The following SCTR variants were observed in gnomAD, a reference collection of about 807,000 sequenced individuals.
SCTR encodes secretin receptor.
A neutral mutation model predicts 60.8 loss-of-function variants in SCTR; 56 were observed. The ratio of observed to expected loss-of-function variants is 0.92; its 90% CI spans 0.74 to 1.15. The LOEUF (loss-of-function observed/expected upper bound fraction) is 1.15. SCTR is among the 50% of genes most tolerant of loss of function. SCTR has a pLI of 0.00. For missense variants in SCTR, 562 were observed against 550.4 expected (o/e 1.02, Z -0.21); for synonymous variants, 202 against 217.0 (o/e 0.93, Z 0.61).
chr2:119,470,698 T>A (rs1676967804), intron 4 of SCTR, among the ~76,000 whole-genome samples: 1 of 152,158 alleles, frequency 6.6e-6, no homozygotes, highest in African/African-American at 2.4e-5. Flanking sequence ...TCTCATTGTG[T>A]GGATGTTTTT....
intron 2 of SCTR, chr2:119,487,114 A>G (rs2104878365): frequency 6.6e-6 from 1 of 152,362 alleles, no homozygotes; most frequent in South Asian, 2.1e-4. Context: ...ATCCACAGAG[A>G]CAGAAAGTAG....
At chr2:119,489,699 C>A (rs1291539070) in intron 2 of SCTR, among the ~76,000 whole-genome samples, 1 of 152,126 alleles carries the variant, frequency 6.6e-6, no homozygotes, top group Non-Finnish European at 1.5e-5. Flanking sequence ...TGTAGCAGAG[C>A]AGTCTGCATG....
rs370963479 is a variant in SCTR at position 119,442,511 on chromosome 2, GA to G, written c.1141-913del. 2.6e-3 allele frequency among the ~76,000 whole-genome samples: 390 copies of G among 152,344 alleles called. 3 individuals carry two copies. The highest frequency in any genetic ancestry group is 8.9e-3 in the African/African-American group (371 of 41,572). ...CTGCCTGTAGCTACTTATGATATTG[GA>G]AAGGAACCTCGAAGGGTGATGAATC... On this transcript the variant is annotated intron_variant, in intron 11 of 12. Transcript: ENST00000019103.
intron 7 of SCTR, among the ~76,000 whole-genome samples, chr2:119,461,013 C>A (rs1238490795): frequency 6.6e-6 from 1 of 152,182 alleles, no homozygotes; most frequent in Non-Finnish European, 1.5e-5. Context: ...AGCCCAGAAG[C>A]TGTTGGCCAT....
At chr2:119,509,982 T>C (rs773167366) in intron 1 of SCTR, among the ~76,000 whole-genome samples, 6 of 149,914 alleles carry the variant, frequency 4.0e-5, no homozygotes, top group Non-Finnish European at 7.4e-5. Flanking sequence ...CGTATCAGAA[T>C]TTCCTTTTTT....
intron 1 of SCTR, among the ~76,000 whole-genome samples, chr2:119,513,916 A>C (rs1050791913): frequency 6.6e-6 from 1 of 152,144 alleles, no homozygotes; most frequent in African/African-American, 2.4e-5. Context: ...GTATCCCATA[A>C]TTTTACATTG....
intron 9 of SCTR, among the ~76,000 whole-genome samples, chr2:119,451,316 C>T (rs963157787): frequency 2.6e-5 from 4 of 152,322 alleles, no homozygotes; most frequent in Middle Eastern, 3.4e-3. Context: ...TGAACCATAC[C>T]CATGGGCTGG....
chr2:119,492,619 T>G (rs1289133402), intron 2 of SCTR, among the ~76,000 whole-genome samples: 1 of 152,172 alleles, frequency 6.6e-6, no homozygotes, highest in African/African-American at 2.4e-5. Context: ...AGTACCTTCA[T>G]AATAAAATAT....
intron 4 of SCTR, among the ~76,000 whole-genome samples, chr2:119,468,715 C>T (rs1393821602): frequency 6.6e-6 from 1 of 152,180 alleles, no homozygotes; most frequent in African/African-American, 2.4e-5. Flanking sequence ...GTGCTGTGGG[C>T]AGCTGGCCAC....
At chr2:119,489,942 A>G (rs1678050021) in intron 2 of SCTR, among the ~76,000 whole-genome samples, 1 of 152,300 alleles carries the variant, frequency 6.6e-6, no homozygotes, top group Admixed American at 6.5e-5. Context: ...CAGCCCCACC[A>G]GAGACTCCGC....
At chr2:119,511,024 C>T (rs1043918223) in intron 1 of SCTR, among the ~76,000 whole-genome samples, 4 of 151,632 alleles carry the variant, frequency 2.6e-5, no homozygotes, top group African/African-American at 4.8e-5. Flanking sequence ...GGTGAAACCC[C>T]GTCTCTACTA....
chr2:119,478,998 C>A (rs1483612989), intron 2 of SCTR, 80 bp from the exon 3 acceptor site: 2 of 1,574,824 alleles, frequency 1.3e-6, no homozygotes, highest in African/African-American at 1.4e-5. Context: ...TCACCGACAC[C>A]CTTGCCTGCC....
intron 4 of SCTR, among the ~76,000 whole-genome samples, chr2:119,473,104 G>T (rs1387353437): frequency 1.3e-5 from 2 of 152,180 alleles, no homozygotes; most frequent in African/African-American, 4.8e-5. Flanking sequence ...TAAGGTCAAG[G>T]TCGGAATTCA....
chr2:119,452,307 C>T lies in SCTR; in HGVS notation c.852-228G>A, dbSNP rs547754696. On this transcript the variant is annotated intron_variant, in intron 8 of 12. Coordinates refer to ENST00000019103, the MANE Select transcript of SCTR (RefSeq NM_002980.3). The stretch of plus-strand genomic sequence containing the variant: ...TGTCTCCCTGCGAGAACCTGAGAGC[C>T]GGGAGACTCCCAGATCCAAAAGTTA... Among the ~76,000 whole-genome samples the T allele has an allele frequency of 2.6e-5, 4 of 152,288 alleles. No individual in the cohort carries two copies. The South Asian group carries it at 6.2e-4, about 24-fold the overall frequency.
chr2:119,464,294 T>C (rs1222642407), intron 5 of SCTR, 39 bp from the exon 6 acceptor site: 2 of 1,612,490 alleles, frequency 1.2e-6, no homozygotes. Flanking sequence ...GGCCAGAGCC[T>C]GAGGGGCTGG....
intron 11 of SCTR, 83 bp downstream of exon 11, chr2:119,446,676 C>T (rs1682940330): frequency 2.3e-6 from 3 of 1,278,902 alleles, no homozygotes; most frequent in Non-Finnish European, 2.0e-6. Flanking sequence ...GCATCTGGCT[C>T]GCAGTCTCTA....
intron 3 of SCTR, 31 bp downstream of exon 3, chr2:119,478,780 G>A: frequency 6.2e-7 from 1 of 1,610,540 alleles, no homozygotes; most frequent in East Asian, 2.2e-5. Context: ...CCCTCAGCCT[G>A]TCCGCCAGGC....
chr2:119,501,410 A>G (rs993360817), intron 1 of SCTR, among the ~76,000 whole-genome samples: 3 of 146,016 alleles, frequency 2.1e-5, no homozygotes, highest in African/African-American at 7.4e-5. Flanking sequence ...ACTCCATCTA[A>G]AAAAAAAAAA....
intron 11 of SCTR, among the ~76,000 whole-genome samples, chr2:119,442,984 G>T (rs1209156152): frequency 6.6e-6 from 1 of 152,110 alleles, no homozygotes; most frequent in Non-Finnish European, 1.5e-5. Flanking sequence ...CAGGTGGGAG[G>T]ATCTTCACCT....
Sources: allele counts gnomAD v4.1 joint callset (sites outside exome capture counted in the v4.1 genomes callset), GRCh38; gene constraint gnomAD v4.1.1; transcripts MANE v1.5; gene names NCBI Gene and HGNC (gene_info 2026-07-23, HGNC 2026-07-21).